The following GALNT17 variants were observed in gnomAD, a reference collection of about 807,000 sequenced individuals.
GALNT17 encodes the protein UDP-GalNAc:polypeptide N-acetylgalactosaminyltransferase-like 3.
In GALNT17, 29 loss-of-function variants were observed where a neutral mutation model predicts 63.7. The observed-to-expected ratio is 0.46, with a 90% CI of 0.34 to 0.62. The LOEUF (loss-of-function observed/expected upper bound fraction) is 0.62, where lower values mean the gene tolerates loss of function less well. Ranked by LOEUF, GALNT17 falls within the 20% of genes least tolerant of loss-of-function variation. The pLI is 0.01. For synonymous variants in GALNT17, 305 were observed against 318.3 expected, an observed-to-expected ratio of 0.96 and a Z score of 0.45; for missense variants, 603 against 799.6, an observed-to-expected ratio of 0.75 and a Z score of 2.97.
chr7:71,667,059 G>A (rs1302062937), intron 7 of GALNT17, among the ~76,000 whole-genome samples: 1 of 152,236 alleles, frequency 6.6e-6, no homozygotes, highest in Admixed American at 6.5e-5. Flanking sequence ...GCACAGCAGG[G>A]TAACCTGCAC....
intron 5 of GALNT17, among the ~76,000 whole-genome samples, chr7:71,458,213 T>G (rs1787388228): frequency 1.3e-5 from 2 of 152,206 alleles, no homozygotes; most frequent in South Asian, 2.1e-4. Flanking sequence ...CTAATTGGTC[T>G]TTGTTTGCTC....
chr7:71,702,703 G>A (rs1168748616), intron 9 of GALNT17, among the ~76,000 whole-genome samples: 1 of 152,184 alleles, frequency 6.6e-6, no homozygotes, highest in African/African-American at 2.4e-5. Flanking sequence ...TGGGGAACCA[G>A]TTAGGAGGCC....
chr7:71,711,829 CCT>C (rs1056118937), intron 10 of GALNT17, among the ~76,000 whole-genome samples, 187 bp from the exon 11 acceptor site: 3 of 149,746 alleles, frequency 2.0e-5, no homozygotes, highest in Admixed American at 6.7e-5. Flanking sequence ...TCCTCTCTTC[CCT>C]CTTTTTCTCT....
chr7:71,711,500 T>C (rs1264517085), intron 10 of GALNT17, among the ~76,000 whole-genome samples: 2 of 151,674 alleles, frequency 1.3e-5, no homozygotes, highest in African/African-American at 4.8e-5. Context: ...CTTTCTCCTA[T>C]TGCACTCTCT....
chr7:71,621,553 A>AGATAGATG (rs1790294439), intron 6 of GALNT17, among the ~76,000 whole-genome samples: 1 of 142,934 alleles, frequency 7.0e-6, no homozygotes, highest in Non-Finnish European at 1.5e-5. Context: ...ATTGATGGAT[A>AGATAGATG]GATGGATGGA....
chr7:71,166,941 G>C (rs1396256860), intron 1 of GALNT17, among the ~76,000 whole-genome samples: 1 of 151,844 alleles, frequency 6.6e-6, no homozygotes, highest in African/African-American at 2.4e-5. Context: ...TCAGGCTGGA[G>C]TACAGTGGCG....
chr7:71,500,986 T>C (rs1447945280), intron 5 of GALNT17, among the ~76,000 whole-genome samples: 1 of 152,166 alleles, frequency 6.6e-6, no homozygotes, highest in East Asian at 1.9e-4. Flanking sequence ...ATTTATTTTT[T>C]TGAGACAGAT....
intron 2 of GALNT17, among the ~76,000 whole-genome samples, chr7:71,349,614 T>C (rs1162954126): frequency 2.0e-5 from 3 of 152,102 alleles, no homozygotes; most frequent in South Asian, 2.1e-4. Context: ...TTTCGTTTCA[T>C]TATGAATAAC....
chr7:71,220,825 G>A (rs2903461), intron 1 of GALNT17, among the ~76,000 whole-genome samples: 56,563 of 151,898 alleles, frequency 0.37, 10,873 homozygotes, highest in South Asian at 0.53. Context: ...CCTGCTGACA[G>A]CTTGGACTTT....
intron 5 of GALNT17, among the ~76,000 whole-genome samples, chr7:71,432,416 C>G (rs1250524986): frequency 6.6e-6 from 1 of 152,182 alleles, no homozygotes; most frequent in Non-Finnish European, 1.5e-5. Flanking sequence ...AGCTACTCAA[C>G]CTCCAGCCCT....
chr7:71,244,816 G>A (rs1164307339), intron 1 of GALNT17, among the ~76,000 whole-genome samples: 4 of 152,080 alleles, frequency 2.6e-5, no homozygotes, highest in African/African-American at 9.7e-5. Context: ...TGGGCATGGT[G>A]GTGCACACCT....
intron 1 of GALNT17, among the ~76,000 whole-genome samples, chr7:71,321,873 T>C (rs1312138856): frequency 7.2e-5 from 4 of 55,450 alleles, no homozygotes; most frequent in African/African-American, 3.4e-4. Context: ...TTCCTTTCCT[T>C]CCTTCCTTCC....
chr7:71,474,541 A>C (rs576941829), intron 5 of GALNT17, among the ~76,000 whole-genome samples: 1 of 152,348 alleles, frequency 6.6e-6, no homozygotes, highest in Admixed American at 6.5e-5. Context: ...GCCTCAATAT[A>C]AAATGAAAAT....
chr7:71,277,702 G>A (rs889073997), intron 1 of GALNT17, among the ~76,000 whole-genome samples: 3 of 152,312 alleles, frequency 2.0e-5, no homozygotes, highest in Middle Eastern at 3.4e-3. Flanking sequence ...AACTTTGGTG[G>A]AAGCACTGAG....
Position 71,501,447 on chromosome 7 carries a change from G to A in GALNT17, c.963-69838G>A, listed in dbSNP as rs182446271. ...GCCTGGCTAACTTTAAAAAAAAGAT[G>A]TGTGCAGATGGGGTTTTGCTATGTT... On this transcript the variant is annotated intron_variant, in intron 5 of 10. Coordinates refer to ENST00000333538, the MANE Select transcript of GALNT17 (RefSeq NM_022479.3). Among the ~76,000 whole-genome samples, 532 of 151,960 alleles carry A rather than the reference G, an allele frequency of 3.5e-3. 1 individual carries two copies. The highest frequency in any genetic ancestry group is 5.7e-3 in the Non-Finnish European group (388 of 67,942).
chr7:71,238,019 T>C (rs995935361), intron 1 of GALNT17, among the ~76,000 whole-genome samples: 1 of 152,198 alleles, frequency 6.6e-6, no homozygotes. Flanking sequence ...AGAGAAGCTG[T>C]GCTTAAGGGC....
intron 6 of GALNT17, among the ~76,000 whole-genome samples, chr7:71,648,103 A>T (rs1790706331): frequency 6.6e-6 from 1 of 152,216 alleles, no homozygotes; most frequent in Non-Finnish European, 1.5e-5. Context: ...TGGCACCGCT[A>T]CCACTCAGGA....
At chr7:71,710,666 G>T in intron 9 of GALNT17, 95 bp from the exon 10 acceptor site, 2 of 1,407,922 alleles carry the variant, frequency 1.4e-6, no homozygotes, top group East Asian at 4.6e-5. Context: ...TTGACAAACA[G>T]CAGGAGTAAA....
At chr7:71,382,902 G>T (rs1398719164) in intron 2 of GALNT17, among the ~76,000 whole-genome samples, 4 of 151,962 alleles carry the variant, frequency 2.6e-5, no homozygotes, top group Non-Finnish European at 4.4e-5. Flanking sequence ...TGGTTCATTG[G>T]CATTAAGCAC....
Sources: allele counts gnomAD v4.1 joint callset (sites outside exome capture counted in the v4.1 genomes callset), GRCh38; gene constraint gnomAD v4.1.1; transcripts MANE v1.5; gene names NCBI Gene and HGNC (gene_info 2026-07-23, HGNC 2026-07-21).